The following ARRB1 variants were observed in gnomAD, a reference collection of about 807,000 sequenced individuals.
The protein encoded by ARRB1 is arrestin beta 1.
Under a neutral mutation model 56.8 loss-of-function variants are expected in ARRB1, and 21 were observed. The observed-to-expected ratio is 0.37, with a 90% confidence interval of 0.26 to 0.53. The LOEUF (loss-of-function observed/expected upper bound fraction) is 0.53, where lower values mean the gene tolerates loss of function less well. Among genes scored for constraint, ARRB1 ranks in the 20% least tolerant of loss-of-function variants. The probability of loss-of-function intolerance (pLI) is 0.88; values close to 1 mark genes in which losing one functional copy is unlikely to be tolerated. For missense variants in ARRB1, 424 were observed against 553.7 expected (o/e 0.77, Z 2.35); for synonymous variants, 210 against 218.6 (o/e 0.96, Z 0.35).
intron 1 of ARRB1, among the ~76,000 whole-genome samples, chr11:75,299,305 G>A (rs1285720690): frequency 6.6e-6 from 1 of 151,692 alleles, no homozygotes; most frequent in African/African-American, 2.4e-5. Flanking sequence ...ATACTGACAG[G>A]AGTTGAAGAA....
intron 1 of ARRB1, among the ~76,000 whole-genome samples, chr11:75,341,500 T>A (rs1947693196): frequency 6.6e-6 from 1 of 152,142 alleles, no homozygotes; most frequent in Non-Finnish European, 1.5e-5. Context: ...AATATTATTA[T>A]ACCTATTTCC....
At chr11:75,291,315 C>T (rs1222135558) in intron 1 of ARRB1, among the ~76,000 whole-genome samples, 1 of 152,166 alleles carries the variant, frequency 6.6e-6, no homozygotes, top group African/African-American at 2.4e-5. Context: ...GCCTGGGCGA[C>T]AGAGCAAGAC....
chr11:75,309,138 G>A (rs1276309890), intron 1 of ARRB1, among the ~76,000 whole-genome samples: 1 of 152,260 alleles, frequency 6.6e-6, no homozygotes, highest in African/African-American at 2.4e-5. Context: ...GCTCTCAGAA[G>A]GTGGCCTGGG....
intron 1 of ARRB1, 27 bp downstream of exon 1, chr11:75,351,561 C>T: frequency 1.3e-6 from 2 of 1,499,200 alleles, no homozygotes; most frequent in South Asian, 1.2e-5. Context: ...CCACGCGCCC[C>T]CCGCCGGGCG....
At chr11:75,303,185 A>T (rs994885494) in intron 1 of ARRB1, among the ~76,000 whole-genome samples, 4 of 152,006 alleles carry the variant, frequency 2.6e-5, no homozygotes, top group African/African-American at 4.8e-5. Context: ...TGTTTTTAGT[A>T]GAGACAGGGT....
At chr11:75,302,258 C>A (rs986717128) in intron 1 of ARRB1, among the ~76,000 whole-genome samples, 4 of 152,206 alleles carry the variant, frequency 2.6e-5, no homozygotes, top group Admixed American at 6.5e-5. Context: ...GACTTCTAGG[C>A]CGACAGCAAT....
intron 11 of ARRB1, among the ~76,000 whole-genome samples, chr11:75,273,315 G>A (rs1023730426): frequency 6.6e-6 from 1 of 151,020 alleles, no homozygotes. Flanking sequence ...TGGGCAGAAA[G>A]GGCCACACGG....
intron 1 of ARRB1, among the ~76,000 whole-genome samples, chr11:75,326,370 C>G (rs1043162483): frequency 2.6e-5 from 4 of 152,212 alleles, no homozygotes; most frequent in Non-Finnish European, 5.9e-5. Context: ...ACACGTAGTA[C>G]TTACTTTGTG....
intron 1 of ARRB1, among the ~76,000 whole-genome samples, chr11:75,307,493 T>G (rs1947058196): frequency 6.6e-6 from 1 of 152,110 alleles, no homozygotes; most frequent in Non-Finnish European, 1.5e-5. Context: ...TCCCCTCTGT[T>G]ACACAGAGAG....
At chr11:75,339,056 G>A (rs980145314) in intron 1 of ARRB1, among the ~76,000 whole-genome samples, 3 of 152,218 alleles carry the variant, frequency 2.0e-5, no homozygotes, top group Non-Finnish European at 4.4e-5. Context: ...ACCACTCCAC[G>A]TGGCCTCAGT....
At position 75,261,473 on chromosome 11, in the gene ARRB1, T is replaced by G. The variant is rs1490000777; in HGVS notation, c.*4690A>C. ...TGGGAGGAGGGCTGGAAACCTATCC[T>G]TTGCCTCCACTCCCATCTTCCCACT... is the stretch of plus-strand genomic sequence containing the variant. On this transcript the variant is annotated 3_prime_UTR_variant, in exon 16 of 16. Coordinates refer to ENST00000420843, the MANE Select transcript of ARRB1 (RefSeq NM_004041.5). 1.3e-5 allele frequency: 2 copies of G among 152,174 alleles called. No individual in the cohort carries two copies. Among genetic ancestry groups the G allele is most frequent in the East Asian group, 3.8e-4 (2 of 5,200 alleles). 9.4% of individuals were successfully genotyped at this position (152,174 alleles called of 1,614,324 possible).
intron 1 of ARRB1, among the ~76,000 whole-genome samples, chr11:75,305,846 C>G (rs1178814700): frequency 1.3e-5 from 2 of 152,172 alleles, no homozygotes; most frequent in Admixed American, 6.5e-5. Context: ...CCCACATATA[C>G]AACATGCACA....
chr11:75,339,475 G>T (rs1453243102), intron 1 of ARRB1, among the ~76,000 whole-genome samples: 1 of 152,184 alleles, frequency 6.6e-6, no homozygotes, highest in Admixed American at 6.5e-5. Context: ...CACTATGCCG[G>T]CACATAGTAG....
rs35948518 is a variant in ARRB1, at chr11:75,349,154, C to T, written c.20+2434G>A. 4.7e-3 allele frequency among the ~76,000 whole-genome samples: 716 copies of T among 152,226 alleles called. 1 individual carries two copies. The highest frequency in any genetic ancestry group is 0.016 in the African/African-American group (654 of 41,514). ...TTTCCAAATTACTTAGCCAACTGTC[C>T]GGAAAGGGACAGAAAGGCCTCATGG... On this transcript the variant is annotated intron_variant, in intron 1 of 15. Transcript: ENST00000420843.
intron 1 of ARRB1, among the ~76,000 whole-genome samples, chr11:75,299,940 C>CA (rs1946856729): frequency 6.6e-6 from 1 of 152,162 alleles, no homozygotes; most frequent in South Asian, 2.1e-4. Flanking sequence ...GGCGCAGTGG[C>CA]TGACGCCTGT....
At chr11:75,267,233 C>T (rs1945942421) in intron 15 of ARRB1, among the ~76,000 whole-genome samples, 1 of 152,220 alleles carries the variant, frequency 6.6e-6, no homozygotes, top group Non-Finnish European at 1.5e-5. Context: ...CAGGGAAATC[C>T]ACATCGGTTG....
In ARRB1 at chr11:75,276,470, T is replaced by C. The variant is rs186575527; in HGVS notation, c.776+369A>G. Among the ~76,000 whole-genome samples, 350 of 152,346 alleles carry C rather than the reference T, an allele frequency of 2.3e-3. 3 individuals carry two copies. The highest frequency in any genetic ancestry group is 3.9e-3 in the Non-Finnish European group (267 of 68,022). On this transcript the variant is annotated intron_variant, in intron 10 of 15. Transcript: ENST00000420843. The stretch of plus-strand genomic sequence containing the variant: ...TATCAGACAAGAGCTGTGTACCTAG[T>C]GCCTTACCCACTTTGCCCTGGCTAC...
At chr11:75,291,754 G>A (rs1013902864) in intron 1 of ARRB1, among the ~76,000 whole-genome samples, 10 of 152,214 alleles carry the variant, frequency 6.6e-5, no homozygotes, top group African/African-American at 2.2e-4. Context: ...ACAGGCCCTG[G>A]ACGGGCGAAA....
chr11:75,268,181 A>C (rs1945978582), intron 14 of ARRB1, among the ~76,000 whole-genome samples: 1 of 152,114 alleles, frequency 6.6e-6, no homozygotes, highest in Non-Finnish European at 1.5e-5. Flanking sequence ...TCTCAGATTC[A>C]ATGAAATATG....
Sources: gnomAD v4.1 joint callset for allele counts (sites outside exome capture counted in the v4.1 genomes callset) on GRCh38, gnomAD v4.1.1 for gene constraint, MANE v1.5 for transcripts, NCBI Gene and HGNC (gene_info 2026-07-23, HGNC 2026-07-21) for gene names.